The following FBXL17 variants were observed in gnomAD, a reference collection of about 807,000 sequenced individuals.
FBXL17 encodes F-box and leucine rich repeat protein 17, also known as F-box/LRR-repeat protein 17.
In FBXL17, 22 loss-of-function variants were observed where a neutral mutation model predicts 66.2. The ratio of observed to expected loss-of-function variants is 0.33; its 90% CI spans 0.24 to 0.47. The LOEUF (loss-of-function observed/expected upper bound fraction) is 0.47. FBXL17 is among the 20% of genes least tolerant of loss of function. FBXL17 has a pLI of 1.00. For missense variants in FBXL17, 878 were observed against 948.2 expected (o/e 0.93, Z 0.97); for synonymous variants, 474 against 400.5 (o/e 1.18, Z -2.19).
At chr5:107,918,309 A>G (rs1274940037) in intron 7 of FBXL17, among the ~76,000 whole-genome samples, 1 of 152,212 alleles carries the variant, frequency 6.6e-6, no homozygotes, top group Non-Finnish European at 1.5e-5. Context: ...TTCCTTGGAC[A>G]GTCGTAACCC....
chr5:108,004,083 G>T (rs1402425965), intron 7 of FBXL17, among the ~76,000 whole-genome samples: 1 of 152,040 alleles, frequency 6.6e-6, no homozygotes, highest in Admixed American at 6.6e-5. Flanking sequence ...AAAGAAAAAA[G>T]ACAATTACTA....
At chr5:107,869,197 C>T (rs1414758540) in intron 8 of FBXL17, among the ~76,000 whole-genome samples, 1 of 152,214 alleles carries the variant, frequency 6.6e-6, no homozygotes, top group African/African-American at 2.4e-5. Flanking sequence ...GCCCCAGAGG[C>T]TGACTCCTGG....
At chr5:108,049,786 G>C (rs905736060) in intron 6 of FBXL17, among the ~76,000 whole-genome samples, 14 of 152,280 alleles carry the variant, frequency 9.2e-5, no homozygotes, top group African/African-American at 3.4e-4. Flanking sequence ...AAAAGACACA[G>C]ACTGGCAAAC....
At chr5:108,123,336 C>G (rs1306671024) in intron 6 of FBXL17, among the ~76,000 whole-genome samples, 3 of 152,040 alleles carry the variant, frequency 2.0e-5, no homozygotes, top group Admixed American at 2.0e-4. Flanking sequence ...ACAGGCAAAG[C>G]TCTTGAAAGC....
intron 4 of FBXL17, among the ~76,000 whole-genome samples, chr5:108,281,233 T>G (rs1757690782): frequency 6.6e-6 from 1 of 151,850 alleles, no homozygotes; most frequent in Non-Finnish European, 1.5e-5. Context: ...ATCAACACAC[T>G]GAACATTCTC....
intron 6 of FBXL17, among the ~76,000 whole-genome samples, chr5:108,177,738 A>T (rs897332177): frequency 6.6e-6 from 1 of 151,940 alleles, no homozygotes; most frequent in African/African-American, 2.4e-5. Flanking sequence ...GAACTATTCA[A>T]CGTGTCTGGG....
chr5:107,861,623 G>A lies in FBXL17; in HGVS notation c.*97C>T. 8.6e-7 allele frequency: 1 copy of A among 1,159,374 alleles called. No individual in the cohort carries two copies. Among genetic ancestry groups the A allele is most frequent in the East Asian group, 2.9e-5 (1 of 34,970 alleles). The allele number at this position is 1,159,374 out of a possible 1,614,324, so 71.8% of individuals were successfully genotyped here. On this transcript the variant is annotated 3_prime_UTR_variant, in exon 9 of 9. Coordinates refer to ENST00000542267, the MANE Select transcript of FBXL17 (RefSeq NM_001163315.3). ...CACATACTTGAACACACACAGACAG[G>A]TGACAGTTAAAACCCTTCCGAGAGA...
At chr5:108,286,573 T>C (rs1047176627) in intron 4 of FBXL17, among the ~76,000 whole-genome samples, 1 of 151,970 alleles carries the variant, frequency 6.6e-6, no homozygotes, top group Non-Finnish European at 1.5e-5. Context: ...TACCAAGGAA[T>C]ACAGCTAACC....
rs538302516 is a variant in FBXL17, at chr5:108,209,326, G to A, written c.1614+14795C>T. Among the ~76,000 whole-genome samples, 6 of 152,154 alleles carry A rather than the reference G, an allele frequency of 3.9e-5. No individual in the cohort carries two copies. The South Asian group carries it at 1.2e-3, about 32-fold the overall frequency. ...TTCTTTCTCTTGCCTGATTGTCCTG[G>A]CCAGAACTTCCAATACTATGTTGAA... On this transcript the variant is annotated intron_variant, in intron 5 of 8. Coordinates refer to ENST00000542267, the MANE Select transcript of FBXL17 (RefSeq NM_001163315.3).
intron 4 of FBXL17, among the ~76,000 whole-genome samples, chr5:108,283,335 G>T (rs1313925520): frequency 1.3e-5 from 2 of 151,794 alleles, no homozygotes; most frequent in Admixed American, 1.3e-4. Flanking sequence ...CATGGTACTG[G>T]TATAAAAACA....
chr5:108,158,284 GAA>G (rs1199492316), intron 6 of FBXL17, among the ~76,000 whole-genome samples: 2 of 152,006 alleles, frequency 1.3e-5, no homozygotes, highest in Non-Finnish European at 2.9e-5. Context: ...CAACGAATTA[GAA>G]AACACTGAAC....
intron 6 of FBXL17, among the ~76,000 whole-genome samples, chr5:108,029,776 AT>A (rs539460147): frequency 2.5e-4 from 37 of 149,190 alleles, no homozygotes; most frequent in African/African-American, 2.4e-4. Context: ...GATTTTGGTT[AT>A]TTTTTTTTTA....
At chr5:108,275,066 T>C (rs1580729174) in intron 4 of FBXL17, among the ~76,000 whole-genome samples, 1 of 152,232 alleles carries the variant, frequency 6.6e-6, no homozygotes, top group African/African-American at 2.4e-5. Context: ...TGAATGCTCA[T>C]CCACAAATAA....
intron 6 of FBXL17, among the ~76,000 whole-genome samples, chr5:108,108,775 A>G (rs1194914907): frequency 6.9e-6 from 1 of 145,240 alleles, no homozygotes; most frequent in African/African-American, 2.6e-5. Flanking sequence ...AAAGACTCAC[A>G]CTTTGTTTTT....
chr5:108,034,135 C>G (rs577774973), intron 6 of FBXL17, among the ~76,000 whole-genome samples: 9 of 152,214 alleles, frequency 5.9e-5, no homozygotes, highest in African/African-American at 1.9e-4. Flanking sequence ...TCCAAGCAAC[C>G]TACATATCCA....
chr5:108,042,976 G>C (rs1210923486), intron 6 of FBXL17, among the ~76,000 whole-genome samples: 1 of 152,020 alleles, frequency 6.6e-6, no homozygotes, highest in African/African-American at 2.4e-5. Flanking sequence ...TTTCCCTAAT[G>C]GCTAAAGACA....
At chr5:108,109,608 T>C (rs1433625643) in intron 6 of FBXL17, among the ~76,000 whole-genome samples, 2 of 152,224 alleles carry the variant, frequency 1.3e-5, no homozygotes, top group African/African-American at 4.8e-5. Flanking sequence ...ATGTTTTTTT[T>C]CTTGATTATC....
chr5:107,900,145 A>G (rs1236925115), intron 7 of FBXL17, among the ~76,000 whole-genome samples: 1 of 152,168 alleles, frequency 6.6e-6, no homozygotes, highest in Non-Finnish European at 1.5e-5. Context: ...GTAAAAGAGT[A>G]TTTTCAGTAA....
rs192314002 is a variant in FBXL17, at chr5:108,043,745, C to A, written c.1746-22744G>T. ...CTTAGAATAGTCTTATCTATATCTA[C>A]AAAAAACTTTCTGAGATTTTGATAG... On this transcript the variant is annotated intron_variant, in intron 6 of 8. Transcript: ENST00000542267. 2.3e-3 allele frequency among the ~76,000 whole-genome samples: 347 copies of A among 152,228 alleles called. 2 individuals are homozygous for A. Among genetic ancestry groups the A allele is most frequent in the African/African-American group, 8.0e-3 (332 of 41,552 alleles).
Sources: allele counts gnomAD v4.1 joint callset (sites outside exome capture counted in the v4.1 genomes callset), GRCh38; gene constraint gnomAD v4.1.1; transcripts MANE v1.5; gene names NCBI Gene and HGNC (gene_info 2026-07-23, HGNC 2026-07-21).